Variants in PRAMEF4 observed in about 807,000 individuals in gnomAD.
PRAMEF4 encodes PRAME family member 4, also known as RP5-845O24.6.
A neutral mutation model predicts 34.4 loss-of-function variants in PRAMEF4; 18 were observed. That is an observed-to-expected ratio of 0.52 (90% CI 0.36 to 0.78). PRAMEF4 has a LOEUF of 0.78. Among genes scored for constraint, PRAMEF4 ranks in the 30% least tolerant of loss-of-function variants. The pLI, the probability that PRAMEF4 is intolerant of heterozygous loss-of-function variation, is 0.00. For missense variants in PRAMEF4, 482 were observed against 569.1 expected, an observed-to-expected ratio of 0.85 and a Z score of 1.56; for synonymous variants, 156 against 219.3, an observed-to-expected ratio of 0.71 and a Z score of 2.55.
rs201131488 is a variant in PRAMEF4, at chr1:12,882,120, C to G, written c.609G>C (p.Met203Ile). ...PFRNIRSILK[M>I]VNLDCIQEVE... is the part of the protein sequence containing the mutation. ...CCTCCTGGATACAGTCTAGGTTCAC[C>G]ATTTTCAGGATGCTTCTGATATTGC... Residue 203 changes from methionine to isoleucine, a missense_variant, in exon 3 of 4, where the codon ATG (methionine) becomes ATC (isoleucine). This residue lies in a region of PRAMEF4 where 72 missense variants were observed against 128.9 expected (regional missense o/e 0.56). Coordinates refer to ENST00000235349, the MANE Select transcript of PRAMEF4 (RefSeq NM_001009611.4). The G allele has an allele frequency of 3.5e-3, 5,518 of 1,583,026 alleles. 191 individuals carry two copies. The highest frequency in any genetic ancestry group is 4.2e-3 in the Non-Finnish European group (4,892 of 1,170,760).
rs371014274 is a variant in PRAMEF4 at position 12,882,199 on chromosome 1, T to G, written c.530A>C (p.Lys177Thr). 7.7e-4 allele frequency: 1,224 copies of G among 1,584,936 alleles called. 64 individuals carry two copies. In the African/African-American group the frequency reaches 0.015, roughly 20 times the overall value. The change falls in exon 3 of 4, where the codon AAA (lysine) becomes ACA (threonine). Residue 177 changes from lysine to threonine, a missense_variant. Lys to Thr is a moderately conservative substitution (Grantham distance 78, BLOSUM62 -1). This residue lies in a region of PRAMEF4 where 72 missense variants were observed against 128.9 expected (regional missense o/e 0.56). Coordinates refer to ENST00000235349, the MANE Select transcript of PRAMEF4 (RefSeq NM_001009611.4). Reference protein sequence around the residue: ...TCLLLWVKQRKDLLHLCCKKL... With the variant: ...TCLLLWVKQRTDLLHLCCKKL... ...CTTACAGCACAGGTGTAGTAAATCT[T>G]TCCTCTGCTTGACCCATAGAAGGAG...
At chr1:12,881,193 C>G (rs1306430015) in intron 3 of PRAMEF4, among the ~76,000 whole-genome samples, 1 of 147,508 alleles carries the variant, frequency 6.8e-6, no homozygotes, top group East Asian at 2.0e-4. Flanking sequence ...TGGTGAAACC[C>G]TGTCTCTACT....
At chr1:12,885,870 T>G (rs2100430033) in intron 1 of PRAMEF4, among the ~76,000 whole-genome samples, 1 of 133,182 alleles carries the variant, frequency 7.5e-6, no homozygotes, top group African/African-American at 3.0e-5. Context: ...GAAATGATCC[T>G]CCCACTTTGG....
Position 12,882,187 on chromosome 1 carries a change from T to G in PRAMEF4, c.542A>C (p.His181Pro). ...LWVKQRKDLL[H>P]LCCKKLKILG... ...AATTTTCAGCTTCTTACAGCACAGG[T>G]GTAGTAAATCTTTCCTCTGCTTGAC... The change falls in exon 3 of 4, where the codon CAC (histidine) becomes CCC (proline). Residue 181 changes from histidine to proline, a missense_variant. Around this residue, in one of 6 missense-constraint regions of PRAMEF4, gnomAD observed 72 missense variants for 128.9 expected, o/e 0.56. Transcript: ENST00000235349. The G allele has an allele frequency of 6.3e-7, 1 of 1,582,738 alleles. No homozygotes were observed. Among genetic ancestry groups the G allele is most frequent in the Non-Finnish European group, 8.6e-7 (1 of 1,165,464 alleles).
chr1:12,880,885 G>A (rs934611144), intron 3 of PRAMEF4, among the ~76,000 whole-genome samples: 1 of 146,204 alleles, frequency 6.8e-6, no homozygotes, highest in African/African-American at 2.6e-5. Context: ...TCAGAATCAT[G>A]CATTGCCTAG....
rs376844411 is a variant in PRAMEF4 at position 12,884,769 on chromosome 1, T to G, written c.-16-1359A>C. Reference sequence around the variant, plus strand: ...TCTTAATCTCTACCCAGTTAATCCTTATTGGATTTTTGGCTTTCTTAAAGA... The same window carrying G: ...TCTTAATCTCTACCCAGTTAATCCTGATTGGATTTTTGGCTTTCTTAAAGA... On this transcript the variant is annotated intron_variant, in intron 1 of 3. Coordinates refer to ENST00000235349, the MANE Select transcript of PRAMEF4 (RefSeq NM_001009611.4). 1.5e-3 allele frequency among the ~76,000 whole-genome samples: 223 copies of G among 149,602 alleles called. 3 individuals carry two copies. The highest frequency in any genetic ancestry group is 4.9e-3 in the African/African-American group (196 of 40,356).
At chr1:12,883,768 C>T (rs1217080583) in intron 1 of PRAMEF4, among the ~76,000 whole-genome samples, 1 of 147,874 alleles carries the variant, frequency 6.8e-6, no homozygotes, top group Non-Finnish European at 1.5e-5. Flanking sequence ...CACAAGCCTA[C>T]ATGCCCACAT....
chr1:12,886,192 C>A lies in PRAMEF4; in HGVS notation c.-62G>T, dbSNP rs1309960225. 6.9e-6 allele frequency: 1 copy of A among 145,294 alleles called. No individual in the cohort carries two copies. The highest frequency in any genetic ancestry group is 2.0e-4 in the East Asian group (1 of 4,964). The allele number at this position is 145,294 out of a possible 1,614,324, so 9.0% of individuals were successfully genotyped here. On this transcript the variant is annotated 5_prime_UTR_variant, in exon 1 of 4. Coordinates refer to ENST00000235349, the MANE Select transcript of PRAMEF4 (RefSeq NM_001009611.4). ...AAGGTTCTCAGATCTCAGGAAGAAC[C>A]AAGCAGGAACTCCAGGCTTGAAGAC...
In PRAMEF4 at chr1:12,880,879, A is replaced by C. The variant is rs1557639386; in HGVS notation, c.876-774T>G. ...CCTGCACCCTGACCCTCTGTTTCAG[A>C]ATCATGCATTGCCTAGATAATTAAT... On this transcript the variant is annotated intron_variant, in intron 3 of 3. Transcript: ENST00000235349. Among the ~76,000 whole-genome samples the C allele has an allele frequency of 1.4e-5, 2 of 146,268 alleles. 1 individual carries two copies. Among genetic ancestry groups the C allele is most frequent in the Non-Finnish European group, 3.0e-5 (2 of 66,632 alleles).
chr1:12,883,070 C>G lies in PRAMEF4; in HGVS notation c.293+32G>C, dbSNP rs763967242. 6.9e-6 allele frequency: 11 copies of G among 1,599,626 alleles called. 1 individual carries two copies. Among genetic ancestry groups the G allele is most frequent in the Non-Finnish European group, 8.5e-6 (10 of 1,173,900 alleles). On this transcript the variant is annotated intron_variant, in intron 2 of 3. Transcript: ENST00000235349. ...CTGTTCCTTCAGTTGGACACCTGGG[C>G]CCTCCCCACCAGCCCACCTGGGCCA...
At position 12,881,972 on chromosome 1, in the gene PRAMEF4, C is replaced by T. The variant is rs1433347185; in HGVS notation, c.757G>A (p.Glu253Lys). The T allele has an allele frequency of 6.3e-7, 1 of 1,582,698 alleles. No individual in the cohort carries two copies. Among genetic ancestry groups the T allele is most frequent in the Non-Finnish European group, 8.5e-7 (1 of 1,169,926 alleles). The change falls in exon 3 of 4, where the codon GAG becomes AAG. Residue 253 changes from glutamate to lysine, a missense_variant. Glu to Lys is a moderately conservative substitution (Grantham distance 56, BLOSUM62 1). This residue lies in a region of PRAMEF4 where 81 missense variants were observed against 73.1 expected (regional missense o/e 1.11). Coordinates refer to ENST00000235349, the MANE Select transcript of PRAMEF4 (RefSeq NM_001009611.4). ...HMDVSRYVSPEQKKEIVTQFT... is the reference protein window; with the variant it reads ...HMDVSRYVSPKQKKEIVTQFT... ...TGGGTAACAATCTCCTTCTTCTGCT[C>T]TGGGGAAACGTAGCGAGAGACATCC... is the stretch of plus-strand genomic sequence containing the variant.
chr1:12,883,134 C>G lies in PRAMEF4; in HGVS notation c.261G>C (p.Leu87=), dbSNP rs11581721. Residue 87 remains leucine, a synonymous_variant, in exon 2 of 4, where the codon CTG becomes CTC. Transcript: ENST00000235349. ...LEAFQAVLDG[L]DALLNLGVRP... Reference sequence around the variant, plus strand: ...GAACCCCTAGGTTAAGCAGTGCATCCAGCCCATCGAGCACAGCTTGGAAGG... The same window carrying G: ...GAACCCCTAGGTTAAGCAGTGCATCGAGCCCATCGAGCACAGCTTGGAAGG... 1.2e-6 allele frequency: 2 copies of G among 1,601,362 alleles called. No individual in the cohort carries two copies. Among genetic ancestry groups the G allele is most frequent in the Non-Finnish European group, 1.7e-6 (2 of 1,174,246 alleles).
chr1:12,883,028 C>T, intron 2 of PRAMEF4, 74 bp downstream of exon 2: 1 of 1,574,938 alleles, frequency 6.3e-7, no homozygotes, highest in South Asian at 1.1e-5. Context: ...TGGGCCTCCT[C>T]ACTTCTCACG....
chr1:12,881,718 C>T, intron 3 of PRAMEF4, 136 bp downstream of exon 3: 1 of 1,416,060 alleles, frequency 7.1e-7, no homozygotes, highest in South Asian at 1.3e-5. Flanking sequence ...GGGCCGCCCA[C>T]AGGACAATGC....
intron 3 of PRAMEF4, among the ~76,000 whole-genome samples, chr1:12,881,559 C>G (rs965271019): frequency 1.4e-5 from 2 of 145,412 alleles, no homozygotes; most frequent in African/African-American, 5.3e-5. Flanking sequence ...CTTAGACACA[C>G]GTCCTCAGGA....
In PRAMEF4 at chr1:12,879,841, A is replaced by C. The variant is rs76534816; in HGVS notation, c.1140T>G (p.Phe380Leu). The C allele has an allele frequency of 2.5e-5, 40 of 1,598,274 alleles. 2 individuals are homozygous for C. The highest frequency in any genetic ancestry group is 3.3e-5 in the Non-Finnish European group (39 of 1,173,108). ...CACAGAAGCTGAAGGTGTTGAGCTC[A>C]AAGCAGCGGCTCAGGGCAGGCAAGA... Reference protein sequence around the residue: ...NAILPALSRCFELNTFSFCGN... With the variant: ...NAILPALSRCLELNTFSFCGN... Residue 380 changes from phenylalanine to leucine, a missense_variant, in exon 4 of 4, where the codon TTT becomes TTG. Phe to Leu is a conservative substitution (Grantham distance 22, BLOSUM62 0). Transcript: ENST00000235349.
rs1174565474 is a variant in PRAMEF4, at chr1:12,884,488, G to A, written c.-16-1078C>T. Among the ~76,000 whole-genome samples the A allele has an allele frequency of 1.3e-5, 2 of 148,880 alleles. 1 individual carries two copies. Among genetic ancestry groups the A allele is most frequent in the Admixed American group, 1.4e-4 (2 of 14,418 alleles). ...TGAGCATTTTGTGAGGCCGAGGCAG[G>A]TGGATCATCTGAGATCAGGAATTCA... is the stretch of plus-strand genomic sequence containing the variant. On this transcript the variant is annotated intron_variant, in intron 1 of 3. Transcript: ENST00000235349.
chr1:12,885,174 G>A (rs577975662), intron 1 of PRAMEF4, among the ~76,000 whole-genome samples: 5 of 150,550 alleles, frequency 3.3e-5, no homozygotes, highest in African/African-American at 1.2e-4. Context: ...TCGTCGCCCA[G>A]GCTGGAGTGC....
rs762309084 is a variant in PRAMEF4, at chr1:12,883,285, A to T, written c.110T>A (p.Leu37His). The T allele has an allele frequency of 1.1e-5, 18 of 1,599,238 alleles. 1 individual carries two copies. The Admixed American group carries it at 1.2e-4, about 11-fold the overall frequency. The change falls in exon 2 of 4, where the codon CTT (leucine) becomes CAT (histidine). Residue 37 changes from leucine (L) to histidine (H), a missense_variant. Physicochemically the swap from Leu to His is moderately conservative, Grantham distance 99 (BLOSUM62 -3). Coordinates refer to ENST00000235349, the MANE Select transcript of PRAMEF4 (RefSeq NM_001009611.4). ...GGCCTCCATGAACAGTGGGGGGAAAAGTTCTGTGGGCAGCTCCTCCAGGGT... is the reference window on the plus strand; with the variant it reads ...GGCCTCCATGAACAGTGGGGGGAAATGTTCTGTGGGCAGCTCCTCCAGGGT... ...MSTLEELPTELFPPLFMEAFS... is the reference protein window; with the variant it reads ...MSTLEELPTEHFPPLFMEAFS...
Sources: gnomAD v4.1 joint callset for allele counts (sites outside exome capture counted in the v4.1 genomes callset) on GRCh38, gnomAD v4.1.1 for gene constraint, gnomAD v4.1.1 regional missense constraint, MANE v1.5 for transcripts, NCBI Gene and HGNC (gene_info 2026-07-23, HGNC 2026-07-21) for gene names.